Variants in PXDNL observed in about 807,000 individuals in gnomAD.
The protein encoded by PXDNL is probable oxidoreductase PXDNL.
PXDNL carries 145 observed loss-of-function variants against 150.8 expected under a neutral mutation model. That is an observed-to-expected ratio of 0.96 (90% CI 0.84 to 1.10). The LOEUF is 1.10. Ranked by LOEUF, PXDNL falls within the 50% of genes least tolerant of loss-of-function variation. The probability of loss-of-function intolerance (pLI) is 0.00; values close to 1 mark genes in which losing one functional copy is unlikely to be tolerated. For synonymous variants in PXDNL, 757 were observed against 725.7 expected (o/e 1.04, Z -0.69); for missense variants, 2,087 against 1,873.9 (o/e 1.11, Z -2.10).
intron 1 of PXDNL, among the ~76,000 whole-genome samples, chr8:51,732,990 T>C (rs1159218124): frequency 2.0e-5 from 3 of 152,332 alleles, no homozygotes; most frequent in African/African-American, 7.2e-5. Flanking sequence ...TTCTTTTCTG[T>C]TCACTACAAA....
intron 17 of PXDNL, among the ~76,000 whole-genome samples, chr8:51,392,646 C>A (rs1179134517): frequency 1.3e-5 from 2 of 152,202 alleles, no homozygotes; most frequent in East Asian, 1.9e-4. Flanking sequence ...TGGGCTGAGA[C>A]AATGGGGTTT....
chr8:51,722,273 A>G (rs1168059477), intron 1 of PXDNL: 3 of 152,506 alleles, frequency 2.0e-5, no homozygotes, highest in African/African-American at 4.8e-5. Flanking sequence ...TTTGGCCACT[A>G]TGCGCACTCC....
At chr8:51,747,711 A>G (rs746076111) in intron 1 of PXDNL, among the ~76,000 whole-genome samples, 1 of 152,242 alleles carries the variant, frequency 6.6e-6, no homozygotes, top group Non-Finnish European at 1.5e-5. Context: ...AAGTACAATT[A>G]GCTGGTGTCA....
intron 19 of PXDNL, among the ~76,000 whole-genome samples, chr8:51,356,481 C>T (rs1298047935): frequency 1.5e-5 from 2 of 130,560 alleles, no homozygotes; most frequent in Non-Finnish European, 3.2e-5. Flanking sequence ...AGTGAAACTC[C>T]ATCTCAAAAA....
chr8:51,366,387 T>A (rs1319579197), intron 19 of PXDNL, among the ~76,000 whole-genome samples: 1 of 152,210 alleles, frequency 6.6e-6, no homozygotes, highest in Non-Finnish European at 1.5e-5. Flanking sequence ...ATTGCTTCTC[T>A]TTTTCTGTCC....
chr8:51,686,922 T>C lies in PXDNL; in HGVS notation c.165-32162A>G, dbSNP rs117700004. On this transcript the variant is annotated intron_variant, in intron 1 of 22. Transcript: ENST00000356297. ...GTCTTATTATTTTGCCTTTTACAAATAAATAAGGAAAACATCAAAAACTCC... is the reference window on the plus strand; with the variant it reads ...GTCTTATTATTTTGCCTTTTACAAACAAATAAGGAAAACATCAAAAACTCC... 6.3e-3 allele frequency among the ~76,000 whole-genome samples: 952 copies of C among 152,010 alleles called. 7 individuals are homozygous for C. Among genetic ancestry groups the C allele is most frequent in the Admixed American group, 0.015 (226 of 15,288 alleles).
At chr8:51,649,464 A>G (rs561026565) in intron 2 of PXDNL, among the ~76,000 whole-genome samples, 1 of 152,330 alleles carries the variant, frequency 6.6e-6, no homozygotes, top group South Asian at 2.1e-4. Context: ...GTTTAATACT[A>G]GAAGACATAA....
chr8:51,578,851 A>C (rs575081829), intron 3 of PXDNL, among the ~76,000 whole-genome samples: 28 of 152,126 alleles, frequency 1.8e-4, no homozygotes, highest in Admixed American at 5.9e-4. Context: ...GAAGCAATTC[A>C]GTGGAGGAAA....
At chr8:51,744,133 A>G (rs2036945970) in intron 1 of PXDNL, among the ~76,000 whole-genome samples, 1 of 142,970 alleles carries the variant, frequency 7.0e-6, no homozygotes, top group Admixed American at 6.9e-5. Context: ...GAAGAAAGAG[A>G]AAGGAAGGAA....
chr8:51,577,295 C>T (rs1813076542), intron 3 of PXDNL, among the ~76,000 whole-genome samples: 1 of 151,302 alleles, frequency 6.6e-6, no homozygotes, highest in Admixed American at 6.6e-5. Flanking sequence ...AATTATACTC[C>T]ATAATATAGG....
intron 6 of PXDNL, among the ~76,000 whole-genome samples, chr8:51,482,099 C>T (rs1402186897): frequency 6.6e-6 from 1 of 152,312 alleles, no homozygotes; most frequent in Non-Finnish European, 1.5e-5. Context: ...ACTCAACACA[C>T]CCCATGAAAG....
At chr8:51,651,838 C>A (rs1440423423) in intron 2 of PXDNL, among the ~76,000 whole-genome samples, 1 of 152,140 alleles carries the variant, frequency 6.6e-6, no homozygotes, top group Non-Finnish European at 1.5e-5. Flanking sequence ...GGCACCCTGG[C>A]AAGTCACAGA....
At chr8:51,320,061 A>G (rs1487710879) in intron 22 of PXDNL, 39 bp from the exon 23 acceptor site, 3 of 1,360,640 alleles carry the variant, frequency 2.2e-6, no homozygotes, top group Non-Finnish European at 2.9e-6. Flanking sequence ...CATGTTTCTT[A>G]TAATCAAAGT....
At chr8:51,654,793 A>G in intron 1 of PXDNL, 33 bp from the exon 2 acceptor site, 1 of 1,524,290 alleles carries the variant, frequency 6.6e-7, no homozygotes, top group Non-Finnish European at 9.1e-7. Flanking sequence ...AACGATTATA[A>G]TATGTTGACT....
intron 19 of PXDNL, among the ~76,000 whole-genome samples, chr8:51,357,049 T>C (rs2976989): frequency 0.73 from 111,490 of 152,044 alleles, 41,425 homozygotes; most frequent in East Asian, 0.94. Context: ...TGTTTTGACA[T>C]AATTTGGACA....
chr8:51,505,061 T>A (rs528833560), intron 4 of PXDNL, among the ~76,000 whole-genome samples: 7 of 152,338 alleles, frequency 4.6e-5, no homozygotes, highest in African/African-American at 1.7e-4. Flanking sequence ...CTAGAGGGCA[T>A]CTAGCAAAGT....
intron 1 of PXDNL, among the ~76,000 whole-genome samples, chr8:51,736,278 T>TAAG (rs1324423737): frequency 6.6e-6 from 1 of 152,218 alleles, no homozygotes; most frequent in African/African-American, 2.4e-5. Context: ...ATCATAGACC[T>TAAG]AAGACAGAAA....
intron 19 of PXDNL, among the ~76,000 whole-genome samples, chr8:51,352,240 G>A (rs1586025352): frequency 1.3e-5 from 2 of 152,094 alleles, no homozygotes; most frequent in Non-Finnish European, 2.9e-5. Flanking sequence ...CCACTACTGG[G>A]TATTTACCAA....
chr8:51,759,665 G>T (rs2130993649), intron 1 of PXDNL, among the ~76,000 whole-genome samples: 1 of 152,296 alleles, frequency 6.6e-6, no homozygotes, highest in Middle Eastern at 3.4e-3. Context: ...TAAGAGCTGT[G>T]CTGCAAGAAA....
Sources: gnomAD v4.1 joint callset for allele counts (sites outside exome capture counted in the v4.1 genomes callset) on GRCh38, gnomAD v4.1.1 for gene constraint, MANE v1.5 for transcripts, NCBI Gene and HGNC (gene_info 2026-07-23, HGNC 2026-07-21) for gene names.